The following SLC35E2B variants were observed in gnomAD, a reference collection of about 807,000 sequenced individuals.
SLC35E2B encodes solute carrier family 35, member E2B.
In SLC35E2B, 18 loss-of-function variants were observed where a neutral mutation model predicts 32.4. The observed-to-expected ratio is 0.56, with a 90% CI of 0.38 to 0.82. The LOEUF is 0.82. Ranked by LOEUF, SLC35E2B falls within the 40% of genes least tolerant of loss-of-function variation. The pLI is 0.00. For missense variants in SLC35E2B, 263 were observed against 469.5 expected, an observed-to-expected ratio of 0.56 and a Z score of 4.06; for synonymous variants, 132 against 209.1, an observed-to-expected ratio of 0.63 and a Z score of 3.18.
At chr1:1,667,424 T>TA (rs35902057) in intron 9 of SLC35E2B, among the ~76,000 whole-genome samples, 34 of 151,272 alleles carry the variant, frequency 2.2e-4, no homozygotes, top group Admixed American at 7.3e-4. Context: ...AAAAAATAAA[T>TA]AAATAAAATA....
At chr1:1,669,355 T>C (rs1228188520) in intron 8 of SLC35E2B, among the ~76,000 whole-genome samples, 1 of 151,582 alleles carries the variant, frequency 6.6e-6, no homozygotes, top group African/African-American at 2.4e-5. Context: ...CGAGACTCTT[T>C]ATAAAAATAA....
intron 2 of SLC35E2B, among the ~76,000 whole-genome samples, chr1:1,678,259 A>C (rs546399721): frequency 2.0e-4 from 31 of 151,988 alleles, no homozygotes; most frequent in African/African-American, 7.2e-4. Flanking sequence ...CTGTGTTCAC[A>C]CTGAGGGACG....
Position 1,663,635 on chromosome 1 carries a change from T to G in SLC35E2B, c.*2147A>C. 1 of 234,102 alleles carries G rather than the reference T, an allele frequency of 4.3e-6. No individual in the cohort carries two copies. Among genetic ancestry groups the G allele is most frequent in the Non-Finnish European group, 6.9e-6 (1 of 144,002 alleles). 14.5% of individuals were successfully genotyped at this position (234,102 alleles called of 1,614,324 possible). On this transcript the variant is annotated 3_prime_UTR_variant, in exon 10 of 10. Coordinates refer to ENST00000617444, the MANE Select transcript of SLC35E2B (RefSeq NM_001290264.2). ...ACAGGCACCCACCATCGCACCCAGC[T>G]AATTTTTGTATTTTTGGTAGAGACA...
chr1:1,675,374 GC>G, intron 5 of SLC35E2B, 88 bp downstream of exon 5: 1 of 987,982 alleles, frequency 1.0e-6, no homozygotes, highest in African/African-American at 1.7e-5. Flanking sequence ...TCGCGGCAGA[GC>G]CCCATGGCAG....
intron 2 of SLC35E2B, among the ~76,000 whole-genome samples, chr1:1,685,299 G>C (rs1040572224): frequency 6.6e-6 from 1 of 150,870 alleles, no homozygotes; most frequent in Admixed American, 6.6e-5. Context: ...GGTGGTGTGC[G>C]CCTGTGTGCC....
intron 2 of SLC35E2B, among the ~76,000 whole-genome samples, chr1:1,681,371 T>G (rs918755345): frequency 3.3e-5 from 5 of 151,362 alleles, no homozygotes; most frequent in Admixed American, 2.6e-4. Flanking sequence ...CTAATTTTGT[T>G]TTTTTTTGTA....
chr1:1,688,515 G>A (rs1277198227), intron 2 of SLC35E2B, among the ~76,000 whole-genome samples: 2 of 151,542 alleles, frequency 1.3e-5, no homozygotes, highest in South Asian at 2.1e-4. Flanking sequence ...CAGGAGAATC[G>A]CTTGAACCCA....
Position 1,690,014 on chromosome 1 carries a change from G to T in SLC35E2B, c.-148+962C>A, listed in dbSNP as rs377335239. Among the ~76,000 whole-genome samples, 199 of 149,518 alleles carry T rather than the reference G, an allele frequency of 1.3e-3. 3 individuals are homozygous for T. The highest frequency in any genetic ancestry group is 3.9e-3 in the African/African-American group (158 of 40,906). ...AAAAAAAAAAAAAAGGCCAGACTTG[G>T]CTCACGCCTGTAATCCCAGCACTTT... On this transcript the variant is annotated intron_variant, in intron 2 of 9. Transcript: ENST00000617444.
intron 2 of SLC35E2B, among the ~76,000 whole-genome samples, chr1:1,684,579 CAGGAGATTG>C (rs987215757): frequency 1.3e-5 from 2 of 152,012 alleles, no homozygotes. Context: ...ATCACAAGGT[CAGGAGATTG>C]AGACCATCCT....
chr1:1,692,570 G>A lies in SLC35E2B; in HGVS notation c.-687C>T, dbSNP rs1387677863. ...GTGGAGGGGCCGGGCGCGAGGCCGC[G>A]GAGACAGCTCGGAGCTCGGCACTGG... On this transcript the variant is annotated 5_prime_UTR_variant, in exon 1 of 10. Coordinates refer to ENST00000617444, the MANE Select transcript of SLC35E2B (RefSeq NM_001290264.2). 14 of 985,636 alleles carry A rather than the reference G, an allele frequency of 1.4e-5. No homozygotes were observed. Among genetic ancestry groups the A allele is most frequent in the Non-Finnish European group, 1.6e-5 (13 of 830,364 alleles). The allele number at this position is 985,636 out of a possible 1,614,324, so 61.1% of individuals were successfully genotyped here.
At position 1,664,058 on chromosome 1, in the gene SLC35E2B, C is replaced by T. The variant is rs992703895; in HGVS notation, c.*1724G>A. 11 of 342,998 alleles carry T rather than the reference C, an allele frequency of 3.2e-5. No individual in the cohort carries two copies. The highest frequency in any genetic ancestry group is 4.5e-5 in the Non-Finnish European group (11 of 243,028). The allele number at this position is 342,998 out of a possible 1,614,324, so 21.2% of individuals were successfully genotyped here. Reference sequence around the variant, plus strand: ...AATAGCCAGGCATGGTGGCACGTGCCTGTGGTTCCAGCCACATGGGAGGCT... The same window carrying T: ...AATAGCCAGGCATGGTGGCACGTGCTTGTGGTTCCAGCCACATGGGAGGCT... On this transcript the variant is annotated 3_prime_UTR_variant, in exon 10 of 10. Transcript: ENST00000617444.
intron 2 of SLC35E2B, among the ~76,000 whole-genome samples, chr1:1,682,054 T>TTCACCA (rs1480955204): frequency 7.5e-6 from 1 of 133,988 alleles, no homozygotes; most frequent in East Asian, 2.3e-4. Context: ...GAGACAGGGT[T>TTCACCA]TCACCATGTT....
chr1:1,667,550 G>A (rs1458223805), intron 9 of SLC35E2B, among the ~76,000 whole-genome samples: 3 of 152,124 alleles, frequency 2.0e-5, no homozygotes, highest in Non-Finnish European at 4.4e-5. Context: ...AGGAAGCAGT[G>A]GCCACAGGTG....
chr1:1,683,497 G>A (rs1643917500), intron 2 of SLC35E2B, among the ~76,000 whole-genome samples: 1 of 152,212 alleles, frequency 6.6e-6, no homozygotes, highest in Admixed American at 6.5e-5. Flanking sequence ...GGCCTGGGCA[G>A]GTGCTGGGTT....
intron 9 of SLC35E2B, among the ~76,000 whole-genome samples, chr1:1,666,880 C>T (rs1044780439): frequency 6.6e-6 from 1 of 152,060 alleles, no homozygotes; most frequent in Admixed American, 6.6e-5. Context: ...CCGAGGCGGG[C>T]GGATCGCCTG....
chr1:1,688,011 C>A (rs971026339), intron 2 of SLC35E2B, among the ~76,000 whole-genome samples: 1 of 152,038 alleles, frequency 6.6e-6, no homozygotes. Flanking sequence ...ACCAGAGGAG[C>A]GGTCATGTTG....
Position 1,664,570 on chromosome 1 carries a change from A to G in SLC35E2B, c.*1212T>C, listed in dbSNP as rs1643492760. 1 of 885,994 alleles carries G rather than the reference A, an allele frequency of 1.1e-6. No individual in the cohort carries two copies. The highest frequency in any genetic ancestry group is 6.6e-5 in the Admixed American group (1 of 15,134). The allele number at this position is 885,994 out of a possible 1,614,324, so 54.9% of individuals were successfully genotyped here. On this transcript the variant is annotated 3_prime_UTR_variant, in exon 10 of 10. Coordinates refer to ENST00000617444, the MANE Select transcript of SLC35E2B (RefSeq NM_001290264.2). ...ATGGTCAGAAGCCTCTGCCTAACAC[A>G]CGGCTCCAGTAGCCACTCCTCAGGC...
intron 2 of SLC35E2B, among the ~76,000 whole-genome samples, chr1:1,684,558 G>A (rs571725128): frequency 4.7e-4 from 71 of 152,166 alleles, no homozygotes; most frequent in South Asian, 1.0e-3. Flanking sequence ...GTGGGAGGCC[G>A]AGGCGGGTGG....
intron 4 of SLC35E2B, 57 bp from the exon 5 acceptor site, chr1:1,675,647 C>T: frequency 2.1e-6 from 3 of 1,422,198 alleles, no homozygotes; most frequent in Admixed American, 2.3e-5. Context: ...CCTGCACCCA[C>T]CGGGCAGGCT....
Sources: allele counts gnomAD v4.1 joint callset (sites outside exome capture counted in the v4.1 genomes callset), GRCh38; gene constraint gnomAD v4.1.1; transcripts MANE v1.5; gene names NCBI Gene and HGNC (gene_info 2026-07-23, HGNC 2026-07-21).